The following NEK10 variants were observed in gnomAD, a reference collection of about 807,000 sequenced individuals.
NEK10 encodes serine/threonine-protein kinase Nek10.
A neutral mutation model predicts 159.8 loss-of-function variants in NEK10; 122 were observed. The ratio of observed to expected loss-of-function variants is 0.76; its 90% CI spans 0.66 to 0.89. The LOEUF is 0.89. Among genes scored for constraint, NEK10 ranks in the 40% least tolerant of loss-of-function variants. The probability of loss-of-function intolerance (pLI) is 0.00; values close to 1 mark genes in which losing one functional copy is unlikely to be tolerated. For synonymous variants in NEK10, 466 were observed against 457.1 expected, an observed-to-expected ratio of 1.02 and a Z score of -0.25; for missense variants, 1,342 against 1,323.1, an observed-to-expected ratio of 1.01 and a Z score of -0.22.
chr3:27,115,805 C>A, intron 35 of NEK10, 135 bp downstream of exon 35: 1 of 670,044 alleles, frequency 1.5e-6, no homozygotes, highest in Non-Finnish European at 2.5e-6. Flanking sequence ...CTAGTCTAAG[C>A]CAAGATATTT....
chr3:27,174,913 A>T, intron 26 of NEK10, 80 bp from the exon 27 acceptor site: 1 of 1,156,678 alleles, frequency 8.6e-7, no homozygotes, highest in Non-Finnish European at 1.2e-6. Flanking sequence ...TAGAACATAT[A>T]TTAACTGCTT....
At chr3:27,309,423 C>A (rs28404257) in intron 9 of NEK10, 2,447 of 152,470 alleles carry the variant, frequency 0.016, 40 homozygotes, top group East Asian at 0.063. Flanking sequence ...AAAAGTTTAT[C>A]TTAAAAAGAG....
At chr3:27,191,910 T>G in intron 26 of NEK10, 119 bp downstream of exon 26, 3 of 729,730 alleles carry the variant, frequency 4.1e-6, no homozygotes, top group Non-Finnish European at 4.7e-6. Context: ...ACTATACTAC[T>G]GCAATATTGC....
intron 28 of NEK10, among the ~76,000 whole-genome samples, chr3:27,172,594 T>C (rs79428374): frequency 0.011 from 1,689 of 151,996 alleles, 17 homozygotes; most frequent in African/African-American, 0.02. Context: ...TATTTAAAAA[T>C]AGCTAGAAGG....
intron 26 of NEK10, among the ~76,000 whole-genome samples, chr3:27,177,164 G>A (rs1333893657): frequency 6.6e-6 from 1 of 152,034 alleles, no homozygotes; most frequent in African/African-American, 2.4e-5. Context: ...TCTGATAAAG[G>A]GGAATTTACA....
intron 28 of NEK10, among the ~76,000 whole-genome samples, chr3:27,172,350 A>C (rs1218802878): frequency 6.6e-6 from 1 of 151,248 alleles, no homozygotes. Flanking sequence ...AAAAAAAAAA[A>C]AAAAAAAAAC....
chr3:27,171,934 T>C lies in NEK10; in HGVS notation c.2777-61A>G. The C allele has an allele frequency of 2.6e-6, 4 of 1,535,574 alleles. No homozygotes were observed. The South Asian group carries it at 4.7e-5, about 18-fold the overall frequency. ...TCCTCTGCAAATCTTTTATTTTTTA[T>C]GTTTTAATAAAACAATACTGAACAA... On this transcript the variant is annotated intron_variant, in intron 28 of 35. Coordinates refer to ENST00000691995, the MANE Select transcript of NEK10 (RefSeq NM_001394966.1).
At chr3:27,336,261 A>C (rs2046795084) in intron 5 of NEK10, among the ~76,000 whole-genome samples, 1 of 152,160 alleles carries the variant, frequency 6.6e-6, no homozygotes, top group Non-Finnish European at 1.5e-5. Flanking sequence ...GAAATGGATA[A>C]ATTCCTAGAA....
intron 22 of NEK10, 72 bp from the exon 23 acceptor site, chr3:27,256,443 A>C (rs1475991061): frequency 1.3e-6 from 1 of 787,806 alleles, no homozygotes; most frequent in Non-Finnish European, 1.9e-6. Context: ...AGCATTTGAC[A>C]ATCTACACAA....
intron 29 of NEK10, among the ~76,000 whole-genome samples, chr3:27,168,012 C>CCTGATAT (rs1188718612): frequency 2.0e-5 from 3 of 152,132 alleles, no homozygotes; most frequent in African/African-American, 4.8e-5. Flanking sequence ...AAATCTGGCT[C>CCTGATAT]CTGATATCTG....
intron 1 of NEK10, among the ~76,000 whole-genome samples, chr3:27,353,397 T>C (rs2048110202): frequency 6.6e-6 from 1 of 152,118 alleles, no homozygotes; most frequent in Non-Finnish European, 1.5e-5. Flanking sequence ...TGCATTATTG[T>C]CTTATAATAG....
chr3:27,121,402 A>G (rs1941286276), intron 32 of NEK10, among the ~76,000 whole-genome samples: 1 of 152,166 alleles, frequency 6.6e-6, no homozygotes, highest in African/African-American at 2.4e-5. Context: ...CCCAAATCTC[A>G]TCTTGAATTG....
intron 1 of NEK10, among the ~76,000 whole-genome samples, chr3:27,361,499 T>C (rs886381503): frequency 3.3e-5 from 5 of 152,192 alleles, no homozygotes; most frequent in Admixed American, 2.0e-4. Flanking sequence ...AAATAGAATA[T>C]GAGTATATTC....
intron 23 of NEK10, among the ~76,000 whole-genome samples, chr3:27,225,071 A>C (rs1037314275): frequency 1.3e-5 from 2 of 152,222 alleles, no homozygotes; most frequent in Non-Finnish European, 2.9e-5. Context: ...GTCCCACAAT[A>C]GGCAGTCTGC....
intron 22 of NEK10, among the ~76,000 whole-genome samples, chr3:27,270,226 T>A (rs566054743): frequency 1.3e-4 from 20 of 152,254 alleles, no homozygotes; most frequent in African/African-American, 4.8e-4. Context: ...TGTAGAATAG[T>A]AAAGGTTATT....
chr3:27,138,094 C>A (rs533340135), intron 31 of NEK10, among the ~76,000 whole-genome samples: 3 of 152,208 alleles, frequency 2.0e-5, no homozygotes, highest in African/African-American at 7.2e-5. Context: ...GATGCTCCTG[C>A]GTTGCCTTGC....
intron 7 of NEK10, 122 bp from the exon 8 acceptor site, chr3:27,312,299 A>C: frequency 1.8e-6 from 1 of 541,362 alleles, no homozygotes; most frequent in Non-Finnish European, 3.2e-6. Flanking sequence ...ATCAAATAAT[A>C]CTCTCATGCT....
rs1939121128 is a variant in NEK10 at position 27,107,573 on chromosome 3, T to C, written c.*3699A>G. 6.6e-6 allele frequency among the ~76,000 whole-genome samples: 1 copy of C among 152,250 alleles called. No individual in the cohort carries two copies. Among genetic ancestry groups the C allele is most frequent in the Non-Finnish European group, 1.5e-5 (1 of 68,042 alleles). ...GTAAGTATATATGAAATTCATTTAT[T>C]ACATTTAGTTGTTGAACATGAAGAA... On this transcript the variant is annotated 3_prime_UTR_variant, in exon 36 of 36. Transcript: ENST00000691995.
chr3:27,223,103 C>T (rs1048334549), intron 23 of NEK10, among the ~76,000 whole-genome samples: 1 of 152,174 alleles, frequency 6.6e-6, no homozygotes, highest in African/African-American at 2.4e-5. Flanking sequence ...ACCCTTTCTT[C>T]ATATTAAATA....
Sources: allele counts gnomAD v4.1 joint callset (sites outside exome capture counted in the v4.1 genomes callset), GRCh38; gene constraint gnomAD v4.1.1; transcripts MANE v1.5; gene names NCBI Gene and HGNC (gene_info 2026-07-23, HGNC 2026-07-21).